Variants in SPAST observed in about 807,000 individuals in gnomAD.
The protein encoded by SPAST is spastin.
A neutral mutation model predicts 76.6 loss-of-function variants in SPAST; 30 were observed. That is an observed-to-expected ratio of 0.39 (90% CI 0.29 to 0.53). SPAST has a LOEUF of 0.53. SPAST is among the 20% of genes least tolerant of loss of function. The pLI, the probability that SPAST is intolerant of heterozygous loss-of-function variation, is 0.68. For missense variants in SPAST, 717 were observed against 770.5 expected (o/e 0.93, Z 0.82); for synonymous variants, 305 against 281.0 (o/e 1.09, Z -0.86).
At chr2:32,095,736 C>A (rs1338051405) in intron 3 of SPAST, among the ~76,000 whole-genome samples, 3 of 151,782 alleles carry the variant, frequency 2.0e-5, no homozygotes, top group Non-Finnish European at 4.4e-5. Context: ...GAGACCCTGT[C>A]TCAAAGAAAA....
chr2:32,132,938 C>T (rs1375725297), intron 9 of SPAST, among the ~76,000 whole-genome samples: 3 of 151,900 alleles, frequency 2.0e-5, no homozygotes, highest in East Asian at 1.9e-4. Flanking sequence ...CCCAGCTACT[C>T]GGGAGGCTGA....
chr2:32,142,591 T>C (rs1679754847), intron 13 of SPAST, among the ~76,000 whole-genome samples: 1 of 152,014 alleles, frequency 6.6e-6, no homozygotes, highest in South Asian at 2.1e-4. Context: ...ATTTTTTGTG[T>C]TTTTAGTAGA....
intron 7 of SPAST, among the ~76,000 whole-genome samples, chr2:32,124,499 TAC>T (rs139645338): frequency 0.1 from 15,917 of 152,170 alleles, 1,108 homozygotes; most frequent in Middle Eastern, 0.19. Context: ...GACAGTTTCT[TAC>T]AAAACTCTTA....
Position 32,091,230 on chromosome 2 carries a change from A to G in SPAST, c.586+1625A>G, listed in dbSNP as rs180929139. 4.7e-3 allele frequency among the ~76,000 whole-genome samples: 671 copies of G among 143,840 alleles called. 7 individuals carry two copies. Among genetic ancestry groups the G allele is most frequent in the African/African-American group, 0.017 (648 of 39,098 alleles). 94.4% of individuals were successfully genotyped at this position (143,840 alleles called of 152,430 possible). A position where few individuals can be genotyped will look rare whatever the true frequency, so the allele number is the denominator to read the frequency against. On this transcript the variant is annotated intron_variant, in intron 3 of 16. Coordinates refer to ENST00000315285, the MANE Select transcript of SPAST (RefSeq NM_014946.4). ...TGCATGTCTGGGTCTTTTTTATCTA[A>G]TTTGTAATATGAAGCTATTATTATT...
chr2:32,083,651 C>T, intron 1 of SPAST, among the ~76,000 whole-genome samples: 1 of 28,510 alleles, frequency 3.5e-5, no homozygotes, highest in African/African-American at 1.3e-4. Flanking sequence ...TTTGACTCTG[C>T]CTACTATATA....
chr2:32,083,351 T>C (rs1462446613), intron 1 of SPAST, among the ~76,000 whole-genome samples: 1 of 152,064 alleles, frequency 6.6e-6, no homozygotes, highest in East Asian at 1.9e-4. Flanking sequence ...GAAGAAGAGA[T>C]TGTTGACTCA....
In SPAST at chr2:32,091,604, G is replaced by A. The variant is rs147557983; in HGVS notation, c.586+1999G>A. 6.0e-3 allele frequency among the ~76,000 whole-genome samples: 900 copies of A among 150,254 alleles called. 9 individuals are homozygous for A. Among genetic ancestry groups the A allele is most frequent in the African/African-American group, 0.02 (839 of 41,140 alleles). Reference sequence around the variant, plus strand: ...TCCCAGCACTTTGGGAGGCCGAGGCGGGTGGATCACGAGGTCAGGAGATTG... The same window carrying A: ...TCCCAGCACTTTGGGAGGCCGAGGCAGGTGGATCACGAGGTCAGGAGATTG... On this transcript the variant is annotated intron_variant, in intron 3 of 16. Transcript: ENST00000315285.
chr2:32,092,836 A>C (rs1008696288), intron 3 of SPAST, among the ~76,000 whole-genome samples: 1 of 151,230 alleles, frequency 6.6e-6, no homozygotes, highest in Non-Finnish European at 1.5e-5. Context: ...GTGAAACCTA[A>C]TCTCTACTAA....
intron 8 of SPAST, chr2:32,128,004 AT>A (rs879557017): frequency 2.1e-3 from 363 of 173,880 alleles, no homozygotes; most frequent in Middle Eastern, 5.8e-3. Context: ...TTTTTTATTA[AT>A]TTTTTTTTTT....
chr2:32,125,470 G>A (rs1223813646), intron 7 of SPAST, among the ~76,000 whole-genome samples: 4 of 152,004 alleles, frequency 2.6e-5, no homozygotes, highest in East Asian at 1.9e-4. Flanking sequence ...GGATCTGCCC[G>A]CCTCGGCCTC....
chr2:32,089,850 A>G (rs999032951), intron 3 of SPAST, among the ~76,000 whole-genome samples: 5 of 151,600 alleles, frequency 3.3e-5, no homozygotes, highest in South Asian at 4.2e-4. Context: ...TGCAAGCTCT[A>G]CCTCCCAGGT....
chr2:32,122,778 TA>T (rs147606111), intron 7 of SPAST, among the ~76,000 whole-genome samples: 41,300 of 147,072 alleles, frequency 0.28, 6,822 homozygotes, highest in Non-Finnish European at 0.36. Context: ...CATCTATATT[TA>T]AAAAAAAAAA....
At chr2:32,072,369 C>T (rs951592932) in intron 1 of SPAST, among the ~76,000 whole-genome samples, 18 of 152,136 alleles carry the variant, frequency 1.2e-4, no homozygotes, top group African/African-American at 4.1e-4. Flanking sequence ...TCTTTCATGG[C>T]CTGCTATCTG....
chr2:32,126,675 C>T (rs1679204773), intron 7 of SPAST: 4 of 254,490 alleles, frequency 1.6e-5, no homozygotes, highest in East Asian at 7.8e-5. Flanking sequence ...TTTGTAGAAG[C>T]AGAGTTCCCC....
At chr2:32,101,608 A>G (rs1678128960) in intron 4 of SPAST, among the ~76,000 whole-genome samples, 1 of 152,106 alleles carries the variant, frequency 6.6e-6, no homozygotes, top group Non-Finnish European at 1.5e-5. Context: ...ATAGTTTTAG[A>G]ACTAACATTT....
intron 5 of SPAST, 114 bp downstream of exon 5, chr2:32,114,939 A>G: frequency 1.3e-6 from 1 of 765,352 alleles, no homozygotes; most frequent in Non-Finnish European, 2.1e-6. Context: ...GAGAATGGAT[A>G]AGTTTCCATA....
intron 4 of SPAST, among the ~76,000 whole-genome samples, chr2:32,111,610 A>G (rs12465124): frequency 0.46 from 69,716 of 150,584 alleles, 16,375 homozygotes; most frequent in Admixed American, 0.5. Flanking sequence ...TCTTCCCCAC[A>G]GGTTTTCTGA....
chr2:32,087,081 G>T (rs1266151680), intron 1 of SPAST, among the ~76,000 whole-genome samples: 2 of 152,098 alleles, frequency 1.3e-5, no homozygotes, highest in East Asian at 3.8e-4. Flanking sequence ...TAGAGAGGAG[G>T]TACCCAGCAA....
chr2:32,123,272 AC>A (rs1234205828), intron 7 of SPAST, among the ~76,000 whole-genome samples: 1 of 151,310 alleles, frequency 6.6e-6, no homozygotes, highest in Non-Finnish European at 1.5e-5. Flanking sequence ...AAAAAAAAAA[AC>A]ACAATACCTT....
Sources: allele counts gnomAD v4.1 joint callset (sites outside exome capture counted in the v4.1 genomes callset), GRCh38; gene constraint gnomAD v4.1.1; transcripts MANE v1.5; gene names NCBI Gene and HGNC (gene_info 2026-07-23, HGNC 2026-07-21).